KLF17: variants seen among roughly 807,000 people sequenced by gnomAD.
KLF17 encodes the protein KLF transcription factor 17.
KLF17 carries 31 observed loss-of-function variants against 34.2 expected under a neutral mutation model. The ratio of observed to expected loss-of-function variants is 0.91; its 90% CI spans 0.68 to 1.22. KLF17 has a LOEUF of 1.22. Ranked by LOEUF, KLF17 falls within the 50% of genes most tolerant of loss-of-function variation. KLF17 has a pLI of 0.00. For synonymous variants in KLF17, 179 were observed against 186.7 expected (o/e 0.96, Z 0.34); for missense variants, 478 against 505.2 (o/e 0.95, Z 0.52).
At chr1:44,067,132 C>T in the KLF17 span, among the ~76,000 whole-genome samples, 12 of 151,978 alleles carry the variant, frequency 7.9e-5, no homozygotes, top group African/African-American at 2.2e-4. Context: ...AATCCTCTAA[C>T]GCTATTAGAA....
At chr1:44,104,456 G>A in the KLF17 span, 1 of 802,538 alleles carries the variant, frequency 1.2e-6, no homozygotes, top group Non-Finnish European at 2.2e-6. Flanking sequence ...GCACCTTGTC[G>A]ATGAAGGAGG....
At chr1:44,079,320 TGA>T in the KLF17 span, among the ~76,000 whole-genome samples, 3 of 151,660 alleles carry the variant, frequency 2.0e-5, no homozygotes, top group African/African-American at 7.3e-5. Context: ...TTTTTTTTTT[TGA>T]GACAGTCTTG....
At position 44,127,639 on chromosome 1, in the gene KLF17, C is replaced by CT. The variant is rs1553171634; in HGVS notation, c.82-1712dup. ...CTTTTCTTTTCTTTTCTTTTCTTTC[C>CT]TTCTTTCTTTCTTTCTTTCTTTCTT... On this transcript the variant is annotated intron_variant, in intron 1 of 3. Transcript: ENST00000372299. Among the ~76,000 whole-genome samples, 708 of 77,134 alleles carry CT rather than the reference C, an allele frequency of 9.2e-3. 3 individuals are homozygous for CT. Among genetic ancestry groups the CT allele is most frequent in the Non-Finnish European group, 0.012 (445 of 38,116 alleles). 50.6% of individuals were successfully genotyped at this position (77,134 alleles called of 152,430 possible). A position where few individuals can be genotyped will look rare whatever the true frequency, so the allele number is the denominator to read the frequency against.
the KLF17 span, chr1:44,105,247 G>A: frequency 2.0e-5 from 3 of 152,202 alleles, no homozygotes; most frequent in African/African-American, 7.2e-5. Flanking sequence ...TGTGACCTGA[G>A]GGAAGTCTCG....
chr1:44,053,194 C>G, the KLF17 span, among the ~76,000 whole-genome samples: 4 of 152,152 alleles, frequency 2.6e-5, no homozygotes, highest in Non-Finnish European at 5.9e-5. Flanking sequence ...AGCCACTGCA[C>G]CCGGCCTCAT....
the KLF17 span, among the ~76,000 whole-genome samples, chr1:44,075,696 C>T: frequency 7.9e-5 from 12 of 152,196 alleles, no homozygotes; most frequent in Non-Finnish European, 1.6e-4. Flanking sequence ...TTCAGACTGA[C>T]ATCTTTTTCC....
the KLF17 span, among the ~76,000 whole-genome samples, chr1:44,075,155 A>G: frequency 6.6e-6 from 1 of 151,452 alleles, no homozygotes; most frequent in Non-Finnish European, 1.5e-5. Context: ...ACACGTATAC[A>G]TTAGTTATTG....
chr1:44,111,091 A>C, the KLF17 span, among the ~76,000 whole-genome samples: 1 of 152,120 alleles, frequency 6.6e-6, no homozygotes, highest in African/African-American at 2.4e-5. Flanking sequence ...GGCTCAATTA[A>C]TCTTCCTACT....
At chr1:44,103,452 C>T in the KLF17 span, 3 of 824,718 alleles carry the variant, frequency 3.6e-6, no homozygotes, top group Non-Finnish European at 6.3e-6. Flanking sequence ...AAAGCTGGAG[C>T]CCAGACCGTA....
the KLF17 span, among the ~76,000 whole-genome samples, chr1:44,112,224 T>C: frequency 2.0e-5 from 3 of 152,182 alleles, no homozygotes; most frequent in Non-Finnish European, 4.4e-5. Flanking sequence ...TTATCTTCTT[T>C]ACACTGTCAG....
the KLF17 span, among the ~76,000 whole-genome samples, chr1:44,112,403 TTTTCTTTTTTTA>T: frequency 4.1e-5 from 2 of 48,388 alleles, no homozygotes; most frequent in African/African-American, 1.3e-4. Context: ...CTTTTTTTTA[TTTTCTTTTTTTA>T]TTTTTTAGCA....
At chr1:44,049,016 C>T in the KLF17 span, among the ~76,000 whole-genome samples, 1 of 152,168 alleles carries the variant, frequency 6.6e-6, no homozygotes, top group Non-Finnish European at 1.5e-5. Flanking sequence ...GACTGGGTGG[C>T]TTAAACAACA....
At chr1:44,076,729 C>G in the KLF17 span, 2 of 145,418 alleles carry the variant, frequency 1.4e-5, no homozygotes, top group East Asian at 4.0e-4. Flanking sequence ...TTTTTTTTTT[C>G]TTTCTTTCTT....
the KLF17 span, among the ~76,000 whole-genome samples, chr1:44,068,597 T>C: frequency 1.3e-5 from 2 of 152,168 alleles, no homozygotes; most frequent in African/African-American, 4.8e-5. Flanking sequence ...ATTCATTAGG[T>C]GGTGGGCAGT....
chr1:44,088,015 A>G, the KLF17 span: 1 of 218,124 alleles, frequency 4.6e-6, no homozygotes, highest in South Asian at 8.1e-5. Flanking sequence ...ATGGACTCAG[A>G]CAGGACAAAG....
the KLF17 span, among the ~76,000 whole-genome samples, chr1:44,058,413 C>T: frequency 6.6e-6 from 1 of 152,090 alleles, no homozygotes; most frequent in South Asian, 2.1e-4. Flanking sequence ...GCCTCAGGCT[C>T]CCGAGTAGCT....
chr1:44,103,690 C>A, the KLF17 span: 35 of 1,604,356 alleles, frequency 2.2e-5, no homozygotes, highest in Non-Finnish European at 3.0e-5. Flanking sequence ...TCCTGCTTGG[C>A]CGGCTGGAGG....
At chr1:44,057,486 G>A in the KLF17 span, among the ~76,000 whole-genome samples, 1 of 152,152 alleles carries the variant, frequency 6.6e-6, no homozygotes, top group Admixed American at 6.5e-5. Context: ...TTGAGGAAGT[G>A]CTCCACCAGA....
At chr1:44,123,687 T>A (rs1201325027) in intron 1 of KLF17, among the ~76,000 whole-genome samples, 1 of 152,190 alleles carries the variant, frequency 6.6e-6, no homozygotes, top group Non-Finnish European at 1.5e-5. Flanking sequence ...ACTGAAAGCA[T>A]TTAAACCAGT....
Sources: allele counts gnomAD v4.1 joint callset (sites outside exome capture counted in the v4.1 genomes callset), GRCh38; gene constraint gnomAD v4.1.1; transcripts MANE v1.5; gene names NCBI Gene and HGNC (gene_info 2026-07-23, HGNC 2026-07-21).